CSNK1G2: variants seen among roughly 807,000 people sequenced by gnomAD.
The protein encoded by CSNK1G2 is casein kinase I isoform gamma-2.
Under a neutral mutation model 48.0 loss-of-function variants are expected in CSNK1G2, and 11 were observed. The ratio of observed to expected loss-of-function variants is 0.23; its 90% CI spans 0.14 to 0.38. CSNK1G2 has a LOEUF of 0.38. Ranked by LOEUF, CSNK1G2 falls within the 10% of genes least tolerant of loss-of-function variation. The pLI is 1.00. For missense variants in CSNK1G2, 446 were observed against 595.5 expected (o/e 0.75, Z 2.61); for synonymous variants, 337 against 254.1 (o/e 1.33, Z -3.10).
In CSNK1G2 at chr19:1,978,892, C is replaced by T. The variant is rs1462831758; in HGVS notation, c.481C>T (p.Leu161=). 4 of 1,603,186 alleles carry T rather than the reference C, an allele frequency of 2.5e-6. No homozygotes were observed. Among genetic ancestry groups the T allele is most frequent in the Admixed American group, 3.3e-5 (2 of 59,952 alleles). Residue 161 remains leucine (L), a synonymous_variant, in exon 6 of 12, where the codon CTA becomes TTA. Coordinates refer to ENST00000255641, the MANE Select transcript of CSNK1G2 (RefSeq NM_001319.7). The surrounding 1 kb of genome is among the most constrained non-coding windows in gnomAD (Gnocchi z 7.3). Reference sequence around the variant, plus strand: ...CATGGAGTATGTGCACACCAAGAGCCTAATCTACCGGGACGTGAAGCCCGA... The same window carrying T: ...CATGGAGTATGTGCACACCAAGAGCTTAATCTACCGGGACGTGAAGCCCGA... The part of the protein sequence containing the change: ...TRMEYVHTKS[L]IYRDVKPENF...
intron 2 of CSNK1G2, chr19:1,975,966 C>G (rs1647256422): frequency 1.1e-6 from 1 of 923,394 alleles, no homozygotes; most frequent in African/African-American, 1.7e-5. Flanking sequence ...ACCCAGGAGG[C>G]AGAGGTTCCA....
At chr19:1,945,792 A>G (rs1391823253) in intron 1 of CSNK1G2, among the ~76,000 whole-genome samples, 1 of 148,890 alleles carries the variant, frequency 6.7e-6, no homozygotes, top group African/African-American at 2.5e-5. Context: ...ACTGCACTCC[A>G]GCCTGGGCAA....
Position 1,980,291 on chromosome 19 carries a change from G to A in CSNK1G2, c.*88G>A, listed in dbSNP as rs763283339. ...GAGGCCCTCGGGGCCCACCCACAGC[G>A]GCCCAGGGCCAGACCCTGGCTGGAA... On this transcript the variant is annotated 3_prime_UTR_variant, in exon 12 of 12. Transcript: ENST00000255641. 2.6e-6 allele frequency: 4 copies of A among 1,510,284 alleles called. 1 individual carries two copies. Among genetic ancestry groups the A allele is most frequent in the South Asian group, 2.3e-5 (2 of 87,724 alleles). 93.6% of individuals were successfully genotyped at this position (1,510,284 alleles called of 1,614,324 possible). A position where few individuals can be genotyped will look rare whatever the true frequency, so the allele number is the denominator to read the frequency against.
intron 1 of CSNK1G2, among the ~76,000 whole-genome samples, chr19:1,945,180 G>A (rs555614209): frequency 3.9e-5 from 6 of 152,316 alleles, no homozygotes; most frequent in Admixed American, 2.6e-4. Flanking sequence ...CAGCCTGTGC[G>A]CCCGCAAGGT....
In CSNK1G2 at chr19:1,965,900, G is replaced by A. The variant is rs188239757; in HGVS notation, c.-265-3608G>A. Among the ~76,000 whole-genome samples, 217 of 152,224 alleles carry A rather than the reference G, an allele frequency of 1.4e-3. 1 individual carries two copies. Among genetic ancestry groups the A allele is most frequent in the Non-Finnish European group, 4.7e-4 (32 of 68,018 alleles). ...TAGCCTCCACCTCCCAGGCTCAAGC[G>A]ATCCTCTCACCTCAGTCTCCTAAGT... On this transcript the variant is annotated intron_variant, in intron 1 of 11. Transcript: ENST00000255641.
chr19:1,973,126 G>A (rs1281805035), intron 2 of CSNK1G2, among the ~76,000 whole-genome samples: 1 of 150,120 alleles, frequency 6.7e-6, no homozygotes, highest in African/African-American at 2.5e-5. Flanking sequence ...ACGGGGTTTC[G>A]CCGTGTTAGC....
intron 2 of CSNK1G2, among the ~76,000 whole-genome samples, chr19:1,974,047 C>A (rs1185300942): frequency 1.3e-5 from 2 of 152,024 alleles, no homozygotes; most frequent in East Asian, 1.9e-4. Flanking sequence ...GTCACCACAC[C>A]CAGCTAATTT....
intron 1 of CSNK1G2, chr19:1,954,230 C>T (rs540117598): frequency 2.2e-4 from 75 of 335,880 alleles, no homozygotes; most frequent in Non-Finnish European, 3.8e-4. Flanking sequence ...GTCTGCCCTG[C>T]GTCACTGGGC....
At chr19:1,944,392 G>A (rs763127877) in intron 1 of CSNK1G2, among the ~76,000 whole-genome samples, 2 of 152,130 alleles carry the variant, frequency 1.3e-5, no homozygotes, top group African/African-American at 2.4e-5. Flanking sequence ...GGGCTTCCTG[G>A]GAAGTGGGTG....
At chr19:1,943,908 C>T (rs1472171369) in intron 1 of CSNK1G2, among the ~76,000 whole-genome samples, 6 of 152,298 alleles carry the variant, frequency 3.9e-5, no homozygotes, top group African/African-American at 1.2e-4. Flanking sequence ...ATGGAGGCAG[C>T]GCTGTGGGTG....
chr19:1,977,719 C>T (rs117202817), intron 2 of CSNK1G2, among the ~76,000 whole-genome samples: 3,358 of 148,726 alleles, frequency 0.023, 60 homozygotes, highest in Admixed American at 0.062. Context: ...CGCCACTACA[C>T]TCCAGACTGG....
intron 2 of CSNK1G2, chr19:1,974,966 C>A: frequency 1.4e-6 from 1 of 691,352 alleles, no homozygotes; most frequent in Non-Finnish European, 1.8e-6. Flanking sequence ...CTTTGGCTTT[C>A]AGAGCCCAGA....
In CSNK1G2 at chr19:1,980,140, C is replaced by T. The variant is rs759578884; in HGVS notation, c.1194-9C>T. On this transcript the variant is annotated splice_polypyrimidine_tract_variant and intron_variant, in intron 11 of 11. Transcript: ENST00000255641. The stretch of plus-strand genomic sequence containing the variant: ...CCGGTCCTCCTACCTGAGCCACTGC[C>T]CTCCTCAGATGCTGCTGTTTCTTCA... 6.2e-6 allele frequency: 10 copies of T among 1,612,892 alleles called. No individual in the cohort carries two copies. The South Asian group carries it at 6.6e-5, about 11-fold the overall frequency.
chr19:1,946,449 G>A (rs1180351982), intron 1 of CSNK1G2, among the ~76,000 whole-genome samples: 4 of 150,222 alleles, frequency 2.7e-5, no homozygotes, highest in South Asian at 2.1e-4. Flanking sequence ...CCGCCACCAC[G>A]CCTGGCTAGT....
At chr19:1,955,525 C>T (rs11673037) in intron 1 of CSNK1G2, among the ~76,000 whole-genome samples, 83,503 of 148,114 alleles carry the variant, frequency 0.56, 27,569 homozygotes, top group Non-Finnish European at 0.74. Context: ...GGTGAGGCTC[C>T]GCGGGGTGGG....
rs1355112263 is a variant in CSNK1G2, at chr19:1,978,343, T to C, written c.226T>C (p.Leu76=). 2.5e-6 allele frequency: 4 copies of C among 1,613,280 alleles called. No homozygotes were observed. Among genetic ancestry groups the C allele is most frequent in the Admixed American group, 1.7e-5 (1 of 59,986 alleles). The change falls in exon 3 of 12, where the codon TTG becomes CTG. Residue 76 remains leucine, a splice_region_variant and synonymous_variant. Coordinates refer to ENST00000255641, the MANE Select transcript of CSNK1G2 (RefSeq NM_001319.7). This position sits in a 1 kb window ranked among gnomAD's most constrained non-coding sequence, Gnocchi z 7.3. Reference sequence around the variant, plus strand: ...TACAAATGAATACGTGGCTATCAAATTGGTGAGTCGGCCCCTCCACCCCAC... The same window carrying C: ...TACAAATGAATACGTGGCTATCAAACTGGTGAGTCGGCCCCTCCACCCCAC... ...LYTNEYVAIK[L]EPIKSRAPQL... is the part of the protein sequence containing the mutation.
At chr19:1,943,893 G>C (rs2145489984) in intron 1 of CSNK1G2, among the ~76,000 whole-genome samples, 1 of 152,354 alleles carries the variant, frequency 6.6e-6, no homozygotes, top group South Asian at 2.1e-4. Context: ...GAGGGCGGGT[G>C]GTGGATGGAG....
chr19:1,949,094 T>C (rs1421823838), intron 1 of CSNK1G2, among the ~76,000 whole-genome samples: 2 of 152,142 alleles, frequency 1.3e-5, no homozygotes, highest in African/African-American at 2.4e-5. Flanking sequence ...GCAACCTTTA[T>C]TGAAAAAATC....
At chr19:1,942,147 C>A (rs924406326) in intron 1 of CSNK1G2, among the ~76,000 whole-genome samples, 1 of 152,226 alleles carries the variant, frequency 6.6e-6, no homozygotes, top group African/African-American at 2.4e-5. Flanking sequence ...GCCCCCTCCC[C>A]CTTCCGCTGT....
Sources: gnomAD v4.1 joint callset for allele counts (sites outside exome capture counted in the v4.1 genomes callset) on GRCh38, gnomAD v4.1.1 for gene constraint, Gnocchi (gnomAD v3.1) non-coding constraint, MANE v1.5 for transcripts, NCBI Gene and HGNC (gene_info 2026-07-23, HGNC 2026-07-21) for gene names.